Variants in CNTN5 observed in about 807,000 individuals in gnomAD.
CNTN5 encodes contactin-5.
In CNTN5, 77 loss-of-function variants were observed where a neutral mutation model predicts 129.1. That is an observed-to-expected ratio of 0.60 (90% confidence interval 0.50 to 0.72). The LOEUF is 0.72. Among genes scored for constraint, CNTN5 ranks in the 30% least tolerant of loss-of-function variants. CNTN5 has a pLI of 0.00. For synonymous variants in CNTN5, 509 were observed against 465.6 expected, an observed-to-expected ratio of 1.09 and a Z score of -1.20; for missense variants, 1,478 against 1,328.8, an observed-to-expected ratio of 1.11 and a Z score of -1.75.
At chr11:100,039,294 G>A (rs1186845003) in intron 9 of CNTN5, among the ~76,000 whole-genome samples, 1 of 152,070 alleles carries the variant, frequency 6.6e-6, no homozygotes, top group Non-Finnish European at 1.5e-5. Context: ...TTGAATATTG[G>A]CCCCCACTCT....
At chr11:100,114,485 A>AT (rs1001366884) in intron 13 of CNTN5, among the ~76,000 whole-genome samples, 3 of 152,258 alleles carry the variant, frequency 2.0e-5, no homozygotes, top group South Asian at 2.1e-4. Context: ...ACATTAAAAT[A>AT]TTTTTTGTTT....
At chr11:99,157,726 G>T (rs1476103827) in intron 1 of CNTN5, among the ~76,000 whole-genome samples, 1 of 152,056 alleles carries the variant, frequency 6.6e-6, no homozygotes, top group Admixed American at 6.6e-5. Flanking sequence ...TGATTAGCTT[G>T]AGAAATATTT....
intron 13 of CNTN5, among the ~76,000 whole-genome samples, chr11:100,172,373 T>C (rs1182615156): frequency 2.0e-5 from 3 of 152,076 alleles, no homozygotes; most frequent in African/African-American, 7.2e-5. Context: ...TGTTGACTAC[T>C]TATTGTGTTA....
chr11:99,943,185 T>A (rs1950479651), intron 7 of CNTN5, among the ~76,000 whole-genome samples: 1 of 152,172 alleles, frequency 6.6e-6, no homozygotes, highest in African/African-American at 2.4e-5. Flanking sequence ...CTCCACATCT[T>A]TGTCAGCATC....
intron 9 of CNTN5, chr11:100,004,092 G>C (rs907243015): frequency 1.3e-5 from 2 of 152,152 alleles, no homozygotes; most frequent in Non-Finnish European, 2.9e-5. Context: ...GAGCATCCGC[G>C]TGGCTCCCAC....
intron 1 of CNTN5, among the ~76,000 whole-genome samples, chr11:99,032,336 C>G (rs1321715871): frequency 1.3e-5 from 2 of 150,934 alleles, no homozygotes; most frequent in East Asian, 3.9e-4. Context: ...CCTGAGGAAT[C>G]GCCACACTGA....
At chr11:99,209,845 G>A (rs1003618896) in intron 1 of CNTN5, among the ~76,000 whole-genome samples, 2 of 152,072 alleles carry the variant, frequency 1.3e-5, no homozygotes, top group African/African-American at 4.8e-5. Context: ...TGCTTCCAAA[G>A]TACATCTTTG....
At chr11:99,281,012 T>TC (rs2135888190) in intron 1 of CNTN5, among the ~76,000 whole-genome samples, 1 of 151,624 alleles carries the variant, frequency 6.6e-6, no homozygotes, top group African/African-American at 2.4e-5. Flanking sequence ...AATTTAAAAA[T>TC]CAGTGCATGG....
chr11:99,587,134 A>G (rs1949818655), intron 3 of CNTN5, among the ~76,000 whole-genome samples: 1 of 152,126 alleles, frequency 6.6e-6, no homozygotes, highest in Non-Finnish European at 1.5e-5. Flanking sequence ...GGCTACTAAG[A>G]AAGAGCAACT....
chr11:99,301,743 C>A (rs954203985), intron 1 of CNTN5, among the ~76,000 whole-genome samples: 7 of 151,636 alleles, frequency 4.6e-5, no homozygotes, highest in African/African-American at 1.7e-4. Context: ...TTAGTCTACA[C>A]ATTTATAGAA....
intron 1 of CNTN5, among the ~76,000 whole-genome samples, chr11:99,145,243 T>C (rs1859719893): frequency 6.6e-6 from 1 of 152,056 alleles, no homozygotes; most frequent in Admixed American, 6.6e-5. Flanking sequence ...CTAATTTTTG[T>C]ATTTTTAATA....
intron 1 of CNTN5, among the ~76,000 whole-genome samples, chr11:99,227,800 A>G (rs1860771432): frequency 1.3e-5 from 2 of 152,018 alleles, no homozygotes; most frequent in South Asian, 4.2e-4. Flanking sequence ...ACAATATATA[A>G]TTTTTCAATT....
At chr11:99,884,351 T>A (rs1012004227) in intron 6 of CNTN5, among the ~76,000 whole-genome samples, 6 of 152,048 alleles carry the variant, frequency 3.9e-5, no homozygotes, top group African/African-American at 1.4e-4. Context: ...TTGAAGAAAA[T>A]AGTAATTTAA....
intron 3 of CNTN5, among the ~76,000 whole-genome samples, chr11:99,598,402 C>T (rs1365672052): frequency 7.1e-6 from 1 of 140,086 alleles, no homozygotes; most frequent in Non-Finnish European, 1.5e-5. Context: ...CCTTCCTTCC[C>T]TCCCTCTCTC....
At chr11:99,213,681 A>T (rs1859960160) in intron 1 of CNTN5, among the ~76,000 whole-genome samples, 1 of 151,924 alleles carries the variant, frequency 6.6e-6, no homozygotes. Context: ...AGTATTACAG[A>T]ATGTCTCAGG....
At chr11:99,618,194 A>G (rs532079360) in intron 3 of CNTN5, among the ~76,000 whole-genome samples, 2 of 152,276 alleles carry the variant, frequency 1.3e-5, no homozygotes, top group African/African-American at 2.4e-5. Context: ...CAGGGCTTCT[A>G]TTAAGACTAT....
intron 3 of CNTN5, among the ~76,000 whole-genome samples, chr11:99,584,819 T>C (rs947574545): frequency 2.6e-5 from 4 of 152,202 alleles, no homozygotes; most frequent in Non-Finnish European, 5.9e-5. Context: ...TGAAACACTG[T>C]TTTTACTTGA....
intron 7 of CNTN5, among the ~76,000 whole-genome samples, chr11:99,941,672 A>C (rs1950441212): frequency 6.6e-6 from 1 of 150,812 alleles, no homozygotes; most frequent in Non-Finnish European, 1.5e-5. Context: ...GACCTCCCAC[A>C]GGGAGTCATT....
At chr11:99,541,111 C>T (rs115943686) in intron 2 of CNTN5, among the ~76,000 whole-genome samples, 92 of 152,268 alleles carry the variant, frequency 6.0e-4, no homozygotes, top group African/African-American at 2.1e-3. Context: ...GTAACAACTC[C>T]ACACTTGAGA....
Sources: allele counts gnomAD v4.1 joint callset (sites outside exome capture counted in the v4.1 genomes callset), GRCh38; gene constraint gnomAD v4.1.1; transcripts MANE v1.5; gene names NCBI Gene and HGNC (gene_info 2026-07-23, HGNC 2026-07-21).